ATP8A1: variants seen among roughly 807,000 people sequenced by gnomAD.
ATP8A1 encodes ATPase phospholipid transporting 8A1.
In ATP8A1, 90 loss-of-function variants were observed where a neutral mutation model predicts 177.7. The observed-to-expected ratio is 0.51, with a 90% CI of 0.43 to 0.60. The LOEUF (loss-of-function observed/expected upper bound fraction) is 0.60. Ranked by LOEUF, ATP8A1 falls within the 20% of genes least tolerant of loss-of-function variation. The pLI is 0.00. For synonymous variants in ATP8A1, 493 were observed against 485.9 expected, an observed-to-expected ratio of 1.01 and a Z score of -0.19; for missense variants, 1,072 against 1,392.8, an observed-to-expected ratio of 0.77 and a Z score of 3.67.
chr4:42,499,789 G>A (rs559627076), intron 24 of ATP8A1, among the ~76,000 whole-genome samples: 239 of 152,278 alleles, frequency 1.6e-3, no homozygotes, highest in African/African-American at 5.4e-3. Flanking sequence ...AGTGCATTTC[G>A]AAAGAGTTTA....
At chr4:42,541,456 G>C (rs142489624) in intron 20 of ATP8A1, among the ~76,000 whole-genome samples, 260 of 152,298 alleles carry the variant, frequency 1.7e-3, no homozygotes, top group African/African-American at 5.9e-3. Context: ...TTGGAAGACA[G>C]TTTGTCAGTT....
chr4:42,436,639 C>T (rs967606630), intron 33 of ATP8A1, among the ~76,000 whole-genome samples: 4 of 152,188 alleles, frequency 2.6e-5, no homozygotes, highest in Non-Finnish European at 5.9e-5. Context: ...GATGGACTCA[C>T]AGTCATTGGC....
rs1445940211 is a variant in ATP8A1 at position 42,485,598 on chromosome 4, G to A, written c.2222C>T (p.Ala741Val). The change falls in exon 25 of 37, where the codon GCT becomes GTT. Residue 741 changes from alanine (A) to valine (V), a missense_variant. By Grantham distance (64) the Ala-to-Val change is moderately conservative (BLOSUM62 0). Coordinates refer to ENST00000381668, the MANE Select transcript of ATP8A1 (RefSeq NM_006095.2). ...GAGGGTTTTCCCATCAATTATAAGA[G>A]CAAAATCATTCTCTTTCCGGAGAGC... ...GDALRKENDF[A>V]LIIDGKTLKY... 1 of 1,613,662 alleles carries A rather than the reference G, an allele frequency of 6.2e-7. No homozygotes were observed. The highest frequency in any genetic ancestry group is 1.7e-5 in the Admixed American group (1 of 60,002).
Position 42,649,695 on chromosome 4 carries a change from G to A in ATP8A1, c.49+7130C>T, listed in dbSNP as rs148720403. 6.4e-4 allele frequency among the ~76,000 whole-genome samples: 97 copies of A among 152,232 alleles called. 1 individual carries two copies. The highest frequency in any genetic ancestry group is 2.1e-3 in the African/African-American group (88 of 41,540). ...TGGCAGACAAAACTCTAGGTGTAGA[G>A]GGTACAGCAGCGAACAAATCTCACA... On this transcript the variant is annotated intron_variant, in intron 1 of 36. Coordinates refer to ENST00000381668, the MANE Select transcript of ATP8A1 (RefSeq NM_006095.2).
intron 35 of ATP8A1, among the ~76,000 whole-genome samples, chr4:42,419,853 A>G (rs1713671201): frequency 6.6e-6 from 1 of 152,122 alleles, no homozygotes; most frequent in Middle Eastern, 3.2e-3. Flanking sequence ...ATTACAAAAA[A>G]TTAGCCGGGT....
rs991510679 is a variant in ATP8A1, at chr4:42,455,235, T to C, written c.2817+62A>G. On this transcript the variant is annotated intron_variant, in intron 29 of 36. Coordinates refer to ENST00000381668, the MANE Select transcript of ATP8A1 (RefSeq NM_006095.2). ...TGGCCTTTGAAAACCACATACCCCA[T>C]ATAATGAGGGCAGTAAACACAGACC... 1.8e-5 allele frequency: 28 copies of C among 1,593,114 alleles called. 1 individual carries two copies. The African/African-American group carries it at 2.3e-4, about 13-fold the overall frequency.
intron 27 of ATP8A1, among the ~76,000 whole-genome samples, chr4:42,460,379 C>CTTTTTTTTTTTTT (rs35296572): frequency 1.1e-5 from 1 of 94,540 alleles, no homozygotes; most frequent in Non-Finnish European, 2.0e-5. Flanking sequence ...ATGGATGGAT[C>CTTTTTTTTTTTTT]TTTTTTTTTT....
intron 1 of ATP8A1, 137 bp downstream of exon 1, chr4:42,656,688 C>A: frequency 9.4e-7 from 1 of 1,067,612 alleles, no homozygotes; most frequent in Non-Finnish European, 1.3e-6. Flanking sequence ...GGAAGGGTCC[C>A]CTAGGGGCCG....
chr4:42,573,314 T>G (rs1470096486), intron 14 of ATP8A1, among the ~76,000 whole-genome samples: 5 of 152,228 alleles, frequency 3.3e-5, no homozygotes, highest in Admixed American at 6.5e-5. Flanking sequence ...CTGAGAACTC[T>G]AGAATTGCAA....
chr4:42,524,115 C>T (rs16854477), intron 21 of ATP8A1, among the ~76,000 whole-genome samples: 1,768 of 152,218 alleles, frequency 0.012, 34 homozygotes, highest in African/African-American at 0.039. Flanking sequence ...TAACAACCCT[C>T]GCTGCCTTTC....
At chr4:42,518,352 A>G (rs1725774430) in intron 22 of ATP8A1, among the ~76,000 whole-genome samples, 1 of 152,236 alleles carries the variant, frequency 6.6e-6, no homozygotes. Context: ...GCATACGGGC[A>G]CAATGATGTA....
chr4:42,443,775 C>T (rs957804374), intron 32 of ATP8A1, 103 bp from the exon 33 acceptor site: 1 of 622,084 alleles, frequency 1.6e-6, no homozygotes, highest in Non-Finnish European at 2.9e-6. Flanking sequence ...TTATTATATC[C>T]ATAAAAATAT....
At chr4:42,648,067 T>C (rs1740716257) in intron 1 of ATP8A1, among the ~76,000 whole-genome samples, 1 of 152,156 alleles carries the variant, frequency 6.6e-6, no homozygotes, top group Non-Finnish European at 1.5e-5. Context: ...GTAGCAATAA[T>C]TGAAGAGGGA....
chr4:42,450,132 A>G (rs187283632), intron 30 of ATP8A1, among the ~76,000 whole-genome samples: 1 of 152,202 alleles, frequency 6.6e-6, no homozygotes, highest in African/African-American at 2.4e-5. Context: ...CAACTGATGA[A>G]CAGATTAAAA....
chr4:42,488,636 C>T (rs1270405077), intron 24 of ATP8A1, among the ~76,000 whole-genome samples: 2 of 152,154 alleles, frequency 1.3e-5, no homozygotes, highest in African/African-American at 4.8e-5. Context: ...GTCTAAACTC[C>T]TTAAAATGGC....
chr4:42,474,620 C>A (rs1421352676), intron 25 of ATP8A1, among the ~76,000 whole-genome samples: 1 of 152,180 alleles, frequency 6.6e-6, no homozygotes, highest in Non-Finnish European at 1.5e-5. Context: ...GCTGTGCTGA[C>A]AGACCCCCGA....
intron 21 of ATP8A1, among the ~76,000 whole-genome samples, chr4:42,524,504 A>C (rs1726480720): frequency 6.6e-6 from 1 of 151,742 alleles, no homozygotes. Flanking sequence ...AATATGATCC[A>C]CTCTAAAAGT....
At chr4:42,626,501 A>G (rs1336767684) in intron 2 of ATP8A1, 2 of 155,962 alleles carry the variant, frequency 1.3e-5, no homozygotes, top group Non-Finnish European at 2.8e-5. Flanking sequence ...GATACTTTTT[A>G]CATTATTGTT....
At chr4:42,493,471 C>T (rs749517548) in intron 24 of ATP8A1, among the ~76,000 whole-genome samples, 1 of 152,150 alleles carries the variant, frequency 6.6e-6, no homozygotes, top group Non-Finnish European at 1.5e-5. Context: ...TGGGCAGCTA[C>T]GTGAGCTTAG....
Sources: gnomAD v4.1 joint callset for allele counts (sites outside exome capture counted in the v4.1 genomes callset) on GRCh38, gnomAD v4.1.1 for gene constraint, MANE v1.5 for transcripts, NCBI Gene and HGNC (gene_info 2026-07-23, HGNC 2026-07-21) for gene names.